PPP6R3: variants seen among roughly 807,000 people sequenced by gnomAD.
PPP6R3 encodes the protein serine/threonine-protein phosphatase 6 regulatory subunit 3.
Under a neutral mutation model 110.7 loss-of-function variants are expected in PPP6R3, and 38 were observed. That is an observed-to-expected ratio of 0.34 (90% confidence interval 0.26 to 0.45). The LOEUF (loss-of-function observed/expected upper bound fraction) is 0.45. PPP6R3 is among the 20% of genes least tolerant of loss of function. The pLI is 1.00. For missense variants in PPP6R3, 870 were observed against 1,062.4 expected, an observed-to-expected ratio of 0.82 and a Z score of 2.52; for synonymous variants, 369 against 373.5, an observed-to-expected ratio of 0.99 and a Z score of 0.14.
At chr11:68,484,578 A>G (rs943118607) in intron 1 of PPP6R3, among the ~76,000 whole-genome samples, 3 of 150,432 alleles carry the variant, frequency 2.0e-5, no homozygotes, top group African/African-American at 7.3e-5. Context: ...ATATTTTTAT[A>G]TATATATAAT....
intron 8 of PPP6R3, among the ~76,000 whole-genome samples, chr11:68,563,512 A>C (rs1475787433): frequency 6.6e-6 from 1 of 152,176 alleles, no homozygotes; most frequent in Non-Finnish European, 1.5e-5. Flanking sequence ...TTTTTTCCAA[A>C]GAAGGTGACA....
intron 14 of PPP6R3, among the ~76,000 whole-genome samples, chr11:68,577,190 T>G (rs1013117861): frequency 6.6e-6 from 1 of 152,210 alleles, no homozygotes; most frequent in African/African-American, 2.4e-5. Context: ...GACATTAGTA[T>G]TGACAGCCCT....
At chr11:68,463,592 A>G (rs2098723867) in intron 1 of PPP6R3, among the ~76,000 whole-genome samples, 1 of 152,160 alleles carries the variant, frequency 6.6e-6, no homozygotes, top group Admixed American at 6.5e-5. Flanking sequence ...AGTAAATGAT[A>G]GTGAAAATAA....
chr11:68,535,675 C>T (rs2099266203), intron 2 of PPP6R3: 1 of 151,714 alleles, frequency 6.6e-6, no homozygotes, highest in South Asian at 2.1e-4. Context: ...CTTTAAAACT[C>T]TGCTTGGCCG....
In PPP6R3 at chr11:68,499,978, C is replaced by G. The variant is rs186560296; in HGVS notation, c.-157-19523C>G. On this transcript the variant is annotated intron_variant, in intron 1 of 23. Transcript: ENST00000393800. The stretch of plus-strand genomic sequence containing the variant: ...TATCTTTACCTATTCTGTGGGTCCT[C>G]ATTCTGTCTTTTGAGGTGAAGGAGT... Among the ~76,000 whole-genome samples, 362 of 152,260 alleles carry G rather than the reference C, an allele frequency of 2.4e-3. 1 individual carries two copies. The highest frequency in any genetic ancestry group is 8.0e-3 in the African/African-American group (333 of 41,558).
chr11:68,479,287 G>A (rs1485072039), intron 1 of PPP6R3, among the ~76,000 whole-genome samples: 8 of 152,192 alleles, frequency 5.3e-5, no homozygotes, highest in Non-Finnish European at 8.8e-5. Flanking sequence ...GGGGCTGGGA[G>A]GGTCTTTTTC....
At chr11:68,544,288 C>A (rs1190034974) in intron 3 of PPP6R3, among the ~76,000 whole-genome samples, 1 of 152,142 alleles carries the variant, frequency 6.6e-6, no homozygotes, top group Non-Finnish European at 1.5e-5. Context: ...CCTGTTCCCC[C>A]CTTCATTATA....
intron 1 of PPP6R3, among the ~76,000 whole-genome samples, chr11:68,461,530 C>T (rs1368440539): frequency 6.6e-6 from 1 of 151,882 alleles, no homozygotes; most frequent in Non-Finnish European, 1.5e-5. Flanking sequence ...GGCTTGAAGT[C>T]CCTCCCTCTT....
intron 3 of PPP6R3, among the ~76,000 whole-genome samples, chr11:68,541,074 C>T (rs907493512): frequency 1.3e-5 from 2 of 152,172 alleles, no homozygotes; most frequent in African/African-American, 4.8e-5. Context: ...TGATAAGTGT[C>T]CATGAAATCT....
chr11:68,593,635 G>T (rs1463559198), intron 18 of PPP6R3, among the ~76,000 whole-genome samples: 2 of 152,224 alleles, frequency 1.3e-5, no homozygotes, highest in East Asian at 3.8e-4. Context: ...ACAAAGGGCA[G>T]CCTGGACAAA....
At chr11:68,598,362 G>A (rs1354001179) in intron 19 of PPP6R3, among the ~76,000 whole-genome samples, 1 of 152,170 alleles carries the variant, frequency 6.6e-6, no homozygotes, top group Admixed American at 6.5e-5. Context: ...GCTGGACTGC[G>A]TGCCGCTGCT....
intron 2 of PPP6R3, among the ~76,000 whole-genome samples, chr11:68,526,648 G>A (rs987864633): frequency 2.0e-5 from 3 of 151,980 alleles, no homozygotes; most frequent in Non-Finnish European, 4.4e-5. Flanking sequence ...GCCTCTCCTC[G>A]GTTTCCTTCA....
intron 1 of PPP6R3, among the ~76,000 whole-genome samples, chr11:68,473,733 T>C (rs190384742): frequency 5.4e-4 from 83 of 152,306 alleles, no homozygotes; most frequent in Non-Finnish European, 1.6e-4. Context: ...TTGCATGATG[T>C]GTGGTCACAT....
At chr11:68,585,031 T>G (rs2099573814) in intron 15 of PPP6R3, among the ~76,000 whole-genome samples, 1 of 152,232 alleles carries the variant, frequency 6.6e-6, no homozygotes, top group Non-Finnish European at 1.5e-5. Context: ...CATTCACGTT[T>G]GAGGTTGGGC....
chr11:68,591,485 G>GA, intron 17 of PPP6R3, 91 bp from the exon 18 acceptor site: 1 of 1,289,100 alleles, frequency 7.8e-7, no homozygotes, highest in South Asian at 1.6e-5. Flanking sequence ...GTAAAGCAGT[G>GA]AAAAAATGCA....
chr11:68,567,206 T>G (rs1200954566), intron 10 of PPP6R3, 40 bp downstream of exon 10: 3 of 1,491,288 alleles, frequency 2.0e-6, no homozygotes, highest in Admixed American at 4.5e-5. Flanking sequence ...AATTTGCCAT[T>G]GATATTTCAT....
chr11:68,595,840 G>A (rs184083180), intron 18 of PPP6R3, among the ~76,000 whole-genome samples: 40 of 152,268 alleles, frequency 2.6e-4, no homozygotes, highest in African/African-American at 8.4e-4. Flanking sequence ...CCACCCCTTC[G>A]AGAAGGTGGT....
intron 1 of PPP6R3, among the ~76,000 whole-genome samples, chr11:68,480,707 CA>C (rs1276314974): frequency 6.6e-6 from 1 of 152,106 alleles, no homozygotes; most frequent in African/African-American, 2.4e-5. Flanking sequence ...TTGATACGTC[CA>C]AATAACCAAG....
intron 1 of PPP6R3, among the ~76,000 whole-genome samples, chr11:68,490,462 A>G (rs1469210848): frequency 6.6e-6 from 1 of 151,272 alleles, no homozygotes; most frequent in Non-Finnish European, 1.5e-5. Context: ...TTTTATTGGC[A>G]TTGTTTCCTG....
Sources: gnomAD v4.1 joint callset for allele counts (sites outside exome capture counted in the v4.1 genomes callset) on GRCh38, gnomAD v4.1.1 for gene constraint, MANE v1.5 for transcripts, NCBI Gene and HGNC (gene_info 2026-07-23, HGNC 2026-07-21) for gene names.